The following TSHZ3 variants were observed in gnomAD, a reference collection of about 807,000 sequenced individuals.
TSHZ3 encodes teashirt zinc finger homeobox 3, also known as teashirt homolog 3.
A neutral mutation model predicts 64.5 loss-of-function variants in TSHZ3; 10 were observed. The observed-to-expected ratio is 0.16, with a 90% CI of 0.10 to 0.26. The LOEUF (loss-of-function observed/expected upper bound fraction) is 0.26. TSHZ3 is among the 10% of genes least tolerant of loss of function. TSHZ3 has a pLI of 1.00. For missense variants in TSHZ3, 1,242 were observed against 1,421.7 expected, an observed-to-expected ratio of 0.87 and a Z score of 2.03; for synonymous variants, 608 against 593.1, an observed-to-expected ratio of 1.03 and a Z score of -0.36.
chr19:31,325,445 G>A (rs1185146600), intron 1 of TSHZ3, among the ~76,000 whole-genome samples: 1 of 152,176 alleles, frequency 6.6e-6, no homozygotes, highest in Non-Finnish European at 1.5e-5. Flanking sequence ...TTTCATATCC[G>A]TATCCATTTT....
At chr19:31,327,351 T>A (rs1480382244) in intron 1 of TSHZ3, among the ~76,000 whole-genome samples, 1 of 152,210 alleles carries the variant, frequency 6.6e-6, no homozygotes. Context: ...ATGTGAGAGA[T>A]AGTAAAATAG....
chr19:31,277,645 C>A lies in TSHZ3; in HGVS notation c.2148G>T (p.Gln716His). The change falls in exon 2 of 2, where the codon CAG (glutamine) becomes CAT (histidine). Residue 716 changes from glutamine (Q) to histidine (H), a missense_variant. By Grantham distance (24) the Gln-to-His change is conservative. Coordinates refer to ENST00000240587, the MANE Select transcript of TSHZ3 (RefSeq NM_020856.4). The surrounding 1 kb of genome is among the most constrained non-coding windows in gnomAD (Gnocchi z 4.5). ...GGGCGCTCAAAGGGTTAACAAAAGG[C>A]TGTTCAGGCGGGTGGTCGGTGATGA... is the stretch of plus-strand genomic sequence containing the variant. Reference protein sequence around the residue: ...TAIITDHPPEQPFVNPLSALQ... With the variant: ...TAIITDHPPEHPFVNPLSALQ... The A allele has an allele frequency of 6.5e-7, 1 of 1,545,142 alleles. No individual in the cohort carries two copies. The highest frequency in any genetic ancestry group is 8.7e-7 in the Non-Finnish European group (1 of 1,146,948).
At chr19:31,320,626 C>T (rs1188804244) in intron 1 of TSHZ3, among the ~76,000 whole-genome samples, 1 of 152,094 alleles carries the variant, frequency 6.6e-6, no homozygotes, top group Non-Finnish European at 1.5e-5. Flanking sequence ...ACTGACCTCT[C>T]CCTGGACCTA....
intron 5 of TSHZ3, among the ~76,000 whole-genome samples, chr19:31,162,745 T>A (rs1974387417): frequency 6.6e-6 from 1 of 152,230 alleles, no homozygotes; most frequent in Admixed American, 6.5e-5. Flanking sequence ...ATCTACTATG[T>A]GCTCAGCATA....
At chr19:31,347,307 G>T (rs767570033) in intron 1 of TSHZ3, among the ~76,000 whole-genome samples, 18 of 152,052 alleles carry the variant, frequency 1.2e-4, no homozygotes, top group Non-Finnish European at 2.1e-4. Flanking sequence ...TTTTCTGGAG[G>T]AAGCTATCAA....
intron 1 of TSHZ3, among the ~76,000 whole-genome samples, chr19:31,267,556 C>T (rs1342192236): frequency 1.3e-5 from 2 of 152,178 alleles, no homozygotes; most frequent in Non-Finnish European, 2.9e-5. Flanking sequence ...CCTGCCCCCA[C>T]TCCATCCACC....
exon 7 of TSHZ3, among the ~76,000 whole-genome samples, chr19:31,150,221 C>T (rs887755265): frequency 8.5e-5 from 13 of 152,204 alleles, no homozygotes; most frequent in Non-Finnish European, 1.8e-4. Context: ...TGCTGACTGC[C>T]TCCTCCATGC....
chr19:31,194,130 A>T (rs1404151430), intron 5 of TSHZ3, among the ~76,000 whole-genome samples: 1 of 152,188 alleles, frequency 6.6e-6, no homozygotes, highest in Admixed American at 6.5e-5. Flanking sequence ...CAAAGTCGGG[A>T]AATCTGAACT....
intron 4 of TSHZ3, among the ~76,000 whole-genome samples, chr19:31,214,907 C>CAGA (rs1975306851): frequency 1.2e-5 from 1 of 80,682 alleles, no homozygotes; most frequent in Non-Finnish European, 2.2e-5. Context: ...GACTCTGTCT[C>CAGA]AGAAAAAAAA....
At chr19:31,316,653 A>C (rs1030102183) in intron 1 of TSHZ3, among the ~76,000 whole-genome samples, 1 of 152,200 alleles carries the variant, frequency 6.6e-6, no homozygotes, top group Non-Finnish European at 1.5e-5. Context: ...AGAAAGTAAA[A>C]AAGCAAAATT....
intron 1 of TSHZ3, among the ~76,000 whole-genome samples, chr19:31,335,698 T>C (rs1917222109): frequency 6.6e-6 from 1 of 152,216 alleles, no homozygotes; most frequent in Non-Finnish European, 1.5e-5. Context: ...TAAGGAACAC[T>C]TGCCCCAGCC....
intron 5 of TSHZ3, among the ~76,000 whole-genome samples, chr19:31,189,125 A>C (rs576799950): frequency 1.3e-5 from 2 of 151,758 alleles, no homozygotes; most frequent in East Asian, 3.9e-4. Flanking sequence ...CATCCTTTTT[A>C]TTACCAACCC....
In TSHZ3 at chr19:31,278,770, G is replaced by T. The variant is rs200791129; in HGVS notation, c.1023C>A (p.Pro341=). Residue 341 remains proline, a synonymous_variant, in exon 2 of 2, where the codon CCC becomes CCA. Coordinates refer to ENST00000240587, the MANE Select transcript of TSHZ3 (RefSeq NM_020856.4). This position sits in a 1 kb window ranked among gnomAD's most constrained non-coding sequence, Gnocchi z 4.7. ...PSSPDSTGGT[P]KATISDTNDA... is the part of the protein sequence containing the mutation. ...CGTTGGTGTCTGAGATGGTGGCTTTGGGGGTTCCACCTGTGGAATCTGGGG... is the reference window on the plus strand; with the variant it reads ...CGTTGGTGTCTGAGATGGTGGCTTTTGGGGTTCCACCTGTGGAATCTGGGG... 1.2e-5 allele frequency: 19 copies of T among 1,614,080 alleles called. No individual in the cohort carries two copies. The highest frequency in any genetic ancestry group is 1.5e-5 in the Non-Finnish European group (18 of 1,180,056).
At chr19:31,242,882 G>A (rs562932785) in intron 1 of TSHZ3, among the ~76,000 whole-genome samples, 2 of 151,820 alleles carry the variant, frequency 1.3e-5, no homozygotes, top group Non-Finnish European at 2.9e-5. Context: ...AGTTCTAGGG[G>A]AGAGAAAGCA....
intron 5 of TSHZ3, among the ~76,000 whole-genome samples, chr19:31,183,270 C>T (rs1416146009): frequency 6.7e-6 from 1 of 149,710 alleles, no homozygotes; most frequent in African/African-American, 2.5e-5. Flanking sequence ...AAGAAATTAG[C>T]CTTTGCCAGT....
In TSHZ3 at chr19:31,229,602, C is replaced by T. The variant is rs1975513395; in HGVS notation, n.551-1462G>A. ...GGAAAATCTTTTAGGTAGTGTATTA[C>T]CATAAAGTAGAATCTTGATGAAATT... On this transcript the variant is annotated intron_variant and non_coding_transcript_variant, in intron 3 of 6. Transcript: ENST00000651361. Among the ~76,000 whole-genome samples the T allele has an allele frequency of 2.0e-5, 3 of 152,150 alleles. No homozygotes were observed. The South Asian group carries it at 6.2e-4, about 32-fold the overall frequency.
intron 4 of TSHZ3, among the ~76,000 whole-genome samples, chr19:31,227,180 A>G (rs1346775098): frequency 1.3e-5 from 2 of 151,496 alleles, no homozygotes; most frequent in Non-Finnish European, 2.9e-5. Flanking sequence ...GGGTTTCACT[A>G]TGTTGCCCAG....
intron 1 of TSHZ3, among the ~76,000 whole-genome samples, chr19:31,308,011 C>T (rs1334006007): frequency 1.3e-5 from 2 of 152,204 alleles, no homozygotes; most frequent in Non-Finnish European, 2.9e-5. Context: ...TATGATAATG[C>T]AGTGTCTGTC....
intron 5 of TSHZ3, among the ~76,000 whole-genome samples, chr19:31,189,222 CT>C (rs1974863897): frequency 6.6e-6 from 1 of 151,858 alleles, no homozygotes; most frequent in African/African-American, 2.4e-5. Context: ...CAAACAACTT[CT>C]TGTTTTATTT....
Sources: gnomAD v4.1 joint callset for allele counts (sites outside exome capture counted in the v4.1 genomes callset) on GRCh38, gnomAD v4.1.1 for gene constraint, Gnocchi (gnomAD v3.1) non-coding constraint, MANE v1.5 for transcripts, NCBI Gene and HGNC (gene_info 2026-07-23, HGNC 2026-07-21) for gene names.